PLEKHG2: variants seen among roughly 807,000 people sequenced by gnomAD.
PLEKHG2 encodes pleckstrin homology domain-containing family G member 2.
PLEKHG2 carries 71 observed loss-of-function variants against 104.4 expected under a neutral mutation model. That is an observed-to-expected ratio of 0.68 (90% CI 0.56 to 0.83). The LOEUF (loss-of-function observed/expected upper bound fraction) is 0.83, where lower values mean the gene tolerates loss of function less well. PLEKHG2 is among the 40% of genes least tolerant of loss of function. The pLI is 0.00. For missense variants in PLEKHG2, 1,730 were observed against 1,809.4 expected (o/e 0.96, Z 0.80); for synonymous variants, 728 against 737.0 (o/e 0.99, Z 0.20).
rs749671844 is a variant in PLEKHG2 at position 39,418,863 on chromosome 19, C to A, written c.1176+37C>A. 71 of 1,595,876 alleles carry A rather than the reference C, an allele frequency of 4.4e-5. No individual in the cohort carries two copies. In the Middle Eastern group the frequency reaches 5.0e-4, roughly 11 times the overall value. The stretch of plus-strand genomic sequence containing the variant: ...GTGGGATCAGGCTGGCAGGGATCCC[C>A]CAGCCTCGAGACCTCACACCTGGCC... On this transcript the variant is annotated intron_variant, in intron 10 of 18. Coordinates refer to ENST00000425673, the MANE Select transcript of PLEKHG2 (RefSeq NM_022835.3).
intron 2 of PLEKHG2, among the ~76,000 whole-genome samples, chr19:39,414,721 C>A (rs251861): frequency 1.6e-4 from 25 of 152,146 alleles, no homozygotes; most frequent in Middle Eastern, 3.4e-3. Context: ...GTTACACTCA[C>A]GGGAGTAATA....
rs190870651 is a variant in PLEKHG2, at chr19:39,413,148, G to T, written c.-287G>T. On this transcript the variant is annotated 5_prime_UTR_variant, in exon 1 of 19. Coordinates refer to ENST00000425673, the MANE Select transcript of PLEKHG2 (RefSeq NM_022835.3). This position sits in a 1 kb window ranked among gnomAD's most constrained non-coding sequence, Gnocchi z 4.5. Reference sequence around the variant, plus strand: ...TCAGAAATCCATCCCCCACCCCACGGCCCTACCTAGAAGACTTAGGAATGT... The same window carrying T: ...TCAGAAATCCATCCCCCACCCCACGTCCCTACCTAGAAGACTTAGGAATGT... 1 of 152,222 alleles carries T rather than the reference G, an allele frequency of 6.6e-6. No individual in the cohort carries two copies. The highest frequency in any genetic ancestry group is 1.5e-5 in the Non-Finnish European group (1 of 68,104). 9.4% of individuals were successfully genotyped at this position (152,222 alleles called of 1,614,324 possible). A position where few individuals can be genotyped will look rare whatever the true frequency, so the allele number is the denominator to read the frequency against.
rs1286891343 is a variant in PLEKHG2, at chr19:39,418,776, G to A, written c.1126G>A (p.Gly376Arg). 1.1e-5 allele frequency: 17 copies of A among 1,613,000 alleles called. No individual in the cohort carries two copies. The highest frequency in any genetic ancestry group is 1.3e-5 in the Non-Finnish European group (15 of 1,179,312). ...SVSESPRDPL[G>R]FKVSDLTIPK... ...GAGCGAGAGTCCCCGAGACCCTCTAGGGTTCAAGGTGTCTGATCTGACCAT... is the reference window on the plus strand; with the variant it reads ...GAGCGAGAGTCCCCGAGACCCTCTAAGGTTCAAGGTGTCTGATCTGACCAT... Residue 376 changes from glycine (G) to arginine (R), a missense_variant, in exon 10 of 19, where the codon GGG becomes AGG. Coordinates refer to ENST00000425673, the MANE Select transcript of PLEKHG2 (RefSeq NM_022835.3).
rs972172517 is a variant in PLEKHG2, at chr19:39,416,539, T to C, written c.547-12T>C. On this transcript the variant is annotated splice_polypyrimidine_tract_variant and intron_variant, in intron 5 of 18. Coordinates refer to ENST00000425673, the MANE Select transcript of PLEKHG2 (RefSeq NM_022835.3). This position sits in a 1 kb window ranked among gnomAD's most constrained non-coding sequence, Gnocchi z 4.5. The stretch of plus-strand genomic sequence containing the variant: ...GGACCTGGGGTCTCCCTGACTCCCA[T>C]GTCACCCGCAGAGCGAGGATTTTGA... The C allele has an allele frequency of 1.2e-6, 2 of 1,613,904 alleles. No individual in the cohort carries two copies. The highest frequency in any genetic ancestry group is 1.1e-5 in the South Asian group (1 of 91,082).
rs1002656789 is a variant in PLEKHG2 at position 39,415,630 on chromosome 19, G to C, written c.479+191G>C. On this transcript the variant is annotated intron_variant, in intron 4 of 18. Transcript: ENST00000425673. The surrounding 1 kb of genome is among the most constrained non-coding windows in gnomAD (Gnocchi z 4.6). ...GGGGCATAGGGGATGGGAGGACCCCGAGTGAGGGAGGGGCATAGCGGATGG... is the reference window on the plus strand; with the variant it reads ...GGGGCATAGGGGATGGGAGGACCCCCAGTGAGGGAGGGGCATAGCGGATGG... Among the ~76,000 whole-genome samples the C allele has an allele frequency of 1.3e-5, 2 of 151,758 alleles. No individual in the cohort carries two copies. The highest frequency in any genetic ancestry group is 1.3e-4 in the Admixed American group (2 of 15,260).
At chr19:39,422,654 G>T (rs2078717813) in intron 17 of PLEKHG2, 78 bp from the exon 18 acceptor site, 1 of 1,468,716 alleles carries the variant, frequency 6.8e-7, no homozygotes, top group South Asian at 1.6e-5. Flanking sequence ...CTCCCAAAGT[G>T]CTGGGATTAC....
At chr19:39,420,558 G>C (rs911812528) in intron 11 of PLEKHG2, 68 bp from the exon 12 acceptor site, 11 of 1,603,108 alleles carry the variant, frequency 6.9e-6, no homozygotes, top group Non-Finnish European at 9.4e-6. Context: ...TGACTACGGT[G>C]CTTAAAGTAT....
At chr19:39,418,354 G>A (rs920186041) in intron 9 of PLEKHG2, among the ~76,000 whole-genome samples, 17 of 152,208 alleles carry the variant, frequency 1.1e-4, no homozygotes, top group Middle Eastern at 3.4e-3. Context: ...CAAGGCGGGC[G>A]GATCACTTGA....
chr19:39,422,692 A>G (rs1167384512), intron 17 of PLEKHG2, 40 bp from the exon 18 acceptor site: 2 of 1,506,150 alleles, frequency 1.3e-6, no homozygotes, highest in Non-Finnish European at 8.9e-7. Flanking sequence ...CCCAGCTACC[A>G]TGCTGATATG....
intron 10 of PLEKHG2, 42 bp downstream of exon 10, chr19:39,418,868 C>A: frequency 6.3e-7 from 1 of 1,596,634 alleles, no homozygotes; most frequent in Non-Finnish European, 8.6e-7. Context: ...ATCCCCCAGC[C>A]TCGAGACCTC....
chr19:39,422,016 CA>C, intron 16 of PLEKHG2, 98 bp from the exon 17 acceptor site: 1 of 1,313,914 alleles, frequency 7.6e-7, no homozygotes, highest in Non-Finnish European at 1.0e-6. Context: ...GACTCCATCT[CA>C]AAACAAACAA....
chr19:39,414,910 G>A (rs1052043962), intron 2 of PLEKHG2, 82 bp from the exon 3 acceptor site: 16 of 1,434,138 alleles, frequency 1.1e-5, no homozygotes, highest in South Asian at 2.8e-5. Context: ...GTGTGGGTGA[G>A]GGTGTGGGCT....
At chr19:39,417,714 G>A in intron 8 of PLEKHG2, 22 bp downstream of exon 8, 1 of 1,607,996 alleles carries the variant, frequency 6.2e-7, no homozygotes. Context: ...GTGGGCTGGG[G>A]CTTGCTGGAT....
rs1463954429 is a variant in PLEKHG2, at chr19:39,418,739, C to T, written c.1089C>T (p.Cys363=). The part of the protein sequence containing the change: ...EYTYKGHIFC[C]NLSVSESPRD... ...ACCCCTCTCTTTCCTTCCAGTGCTG[C>T]AACCTGAGCGTGAGCGAGAGTCCCC... is the stretch of plus-strand genomic sequence containing the variant. Residue 363 remains cysteine (C), a synonymous_variant, in exon 10 of 19, where the codon TGC becomes TGT. Transcript: ENST00000425673. 5 of 1,612,146 alleles carry T rather than the reference C, an allele frequency of 3.1e-6. No homozygotes were observed. In the South Asian group the frequency reaches 5.5e-5, roughly 18 times the overall value.
rs541866150 is a variant in PLEKHG2 at position 39,425,159 on chromosome 19, C to T, written c.4026C>T (p.His1342=). 2.6e-5 allele frequency: 42 copies of T among 1,596,292 alleles called. No homozygotes were observed. The highest frequency in any genetic ancestry group is 1.4e-4 in the Admixed American group (8 of 55,998). The change falls in exon 19 of 19, where the codon CAC becomes CAT. Residue 1342 remains histidine (H), a synonymous_variant. Transcript: ENST00000425673. ...RLSYATTVNI[H]VGGGGRLRPA... ...GCTATGCCACGACGGTTAACATCCA[C>T]GTGGGCGGGGGTGGGCGGCTGCGGC...
At position 39,415,020 on chromosome 19, in the gene PLEKHG2, C is replaced by T. The variant is rs144626871; in HGVS notation, c.138C>T (p.Pro46=). Residue 46 remains proline (P), a synonymous_variant, in exon 3 of 19, where the codon CCC becomes CCT. Transcript: ENST00000425673. The surrounding 1 kb of genome is among the most constrained non-coding windows in gnomAD (Gnocchi z 4.6). The part of the protein sequence containing the change: ...TAPAAPTMAS[P]RGSGSSTSLS... Reference sequence around the variant, plus strand: ...CTGCAGCCCCCACCATGGCCTCCCCCCGAGGTTCTGGGAGCTCCACATCCC... The same window carrying T: ...CTGCAGCCCCCACCATGGCCTCCCCTCGAGGTTCTGGGAGCTCCACATCCC... The T allele has an allele frequency of 2.0e-5, 32 of 1,597,878 alleles. No homozygotes were observed. The highest frequency in any genetic ancestry group is 1.6e-4 in the African/African-American group (12 of 74,436).
chr19:39,424,521 T>A lies in PLEKHG2; in HGVS notation c.3388T>A (p.Ser1130Thr). The change falls in exon 19 of 19, where the codon TCT becomes ACT. Residue 1130 changes from serine (S) to threonine (T), a missense_variant. By Grantham distance (58) the Ser-to-Thr change is moderately conservative (BLOSUM62 1). Coordinates refer to ENST00000425673, the MANE Select transcript of PLEKHG2 (RefSeq NM_022835.3). ...DHRIPANAPL[S>T]LSQELPDTQV... ...TCGGATCCCAGCCAACGCCCCACTG[T>A]CTTTGTCCCAGGAGCTCCCAGACAC... 2 of 1,614,022 alleles carry A rather than the reference T, an allele frequency of 1.2e-6. No individual in the cohort carries two copies. Among genetic ancestry groups the A allele is most frequent in the South Asian group, 2.2e-5 (2 of 91,072 alleles).
In PLEKHG2 at chr19:39,425,514, C is replaced by A; in HGVS notation, c.*220C>A. On this transcript the variant is annotated 3_prime_UTR_variant, in exon 19 of 19. Coordinates refer to ENST00000425673, the MANE Select transcript of PLEKHG2 (RefSeq NM_022835.3). ...TTTTGTTAATACTGATTCTTTCATG[C>A]AATGATGTGTATTTTCCCATTCTGG... 2.9e-6 allele frequency: 2 copies of A among 698,470 alleles called. No individual in the cohort carries two copies. The highest frequency in any genetic ancestry group is 3.1e-5 in the South Asian group (1 of 32,492). 43.3% of individuals were successfully genotyped at this position (698,470 alleles called of 1,614,324 possible).
chr19:39,424,920 C>T lies in PLEKHG2; in HGVS notation c.3787C>T (p.Pro1263Ser). ...SSDLTPPHSP[P>S]PSSRQLLGPN... ...AGACTTGACGCCACCTCATAGTCCC[C>T]CACCTTCCAGCCGTCAGCTCCTGGG... Residue 1263 changes from proline (P) to serine (S), a missense_variant, in exon 19 of 19, where the codon CCA (proline) becomes TCA (serine). By Grantham distance (74) the Pro-to-Ser change is moderately conservative. Coordinates refer to ENST00000425673, the MANE Select transcript of PLEKHG2 (RefSeq NM_022835.3). 1 of 1,614,226 alleles carries T rather than the reference C, an allele frequency of 6.2e-7. No homozygotes were observed. The highest frequency in any genetic ancestry group is 1.1e-5 in the South Asian group (1 of 91,090).
Sources: allele counts gnomAD v4.1 joint callset (sites outside exome capture counted in the v4.1 genomes callset), GRCh38; gene constraint gnomAD v4.1.1; non-coding constraint Gnocchi (gnomAD v3.1); transcripts MANE v1.5; gene names NCBI Gene and HGNC (gene_info 2026-07-23, HGNC 2026-07-21).